The following BDH1 variants were observed in gnomAD, a reference collection of about 807,000 sequenced individuals.
BDH1 encodes D-beta-hydroxybutyrate dehydrogenase, mitochondrial.
In BDH1, 30 loss-of-function variants were observed where a neutral mutation model predicts 33.1. The observed-to-expected ratio is 0.91, with a 90% CI of 0.68 to 1.23. The LOEUF (loss-of-function observed/expected upper bound fraction) is 1.23. Among genes scored for constraint, BDH1 ranks in the 50% most tolerant of loss-of-function variants. BDH1 has a pLI of 0.00. For missense variants in BDH1, 443 were observed against 464.4 expected, an observed-to-expected ratio of 0.95 and a Z score of 0.42; for synonymous variants, 190 against 183.6, an observed-to-expected ratio of 1.03 and a Z score of -0.28.
chr3:197,522,533 G>T lies in BDH1; in HGVS notation c.409+107C>A. 1 of 1,436,056 alleles carries T rather than the reference G, an allele frequency of 7.0e-7. No homozygotes were observed. The highest frequency in any genetic ancestry group is 9.6e-7 in the Non-Finnish European group (1 of 1,041,850). 89.0% of individuals were successfully genotyped at this position (1,436,056 alleles called of 1,614,324 possible). On this transcript the variant is annotated intron_variant, in intron 6 of 7. Coordinates refer to ENST00000392379, the MANE Select transcript of BDH1 (RefSeq NM_203314.3). This position sits in a 1 kb window ranked among gnomAD's most constrained non-coding sequence, Gnocchi z 4.8. ...GCAGGAGGAAGAGCCTAAACAATAA[G>T]GAAGGGAGTGTGGTGGCAGGATGCC...
rs1306063860 is a variant in BDH1 at position 197,510,375 on chromosome 3, CG to C, written c.*1519del. The stretch of plus-strand genomic sequence containing the variant: ...GGAAACGCGGAGTCTGATTCGAAGG[CG>C]GGCACTGGGGACCCTGCCCCGGGCC... On this transcript the variant is annotated 3_prime_UTR_variant, in exon 8 of 8. Transcript: ENST00000392379. 6.6e-6 allele frequency: 1 copy of C among 152,170 alleles called. No homozygotes were observed. The highest frequency in any genetic ancestry group is 1.5e-5 in the Non-Finnish European group (1 of 68,086). The allele number at this position is 152,170 out of a possible 1,614,324, so 9.4% of individuals were successfully genotyped here.
At position 197,512,568 on chromosome 3, in the gene BDH1, G is replaced by A. The variant is rs547609338; in HGVS notation, c.563-204C>T. On this transcript the variant is annotated intron_variant, in intron 7 of 7. Coordinates refer to ENST00000392379, the MANE Select transcript of BDH1 (RefSeq NM_203314.3). ...CCTGGGAACCTGGCTGTGCCAGGCA[G>A]GACAGGGGAGGACAAGTGAGTGAGA... Among the ~76,000 whole-genome samples the A allele has an allele frequency of 5.8e-4, 88 of 152,350 alleles. 1 individual carries two copies. Among genetic ancestry groups the A allele is most frequent in the African/African-American group, 1.9e-3 (79 of 41,584 alleles).
At chr3:197,531,418 A>AAAT (rs1491403816) in intron 5 of BDH1, among the ~76,000 whole-genome samples, 2 of 137,260 alleles carry the variant, frequency 1.5e-5, no homozygotes, top group African/African-American at 5.6e-5. Context: ...TTAAAAAAAA[A>AAAT]ATATATATAT....
At chr3:197,518,894 C>T (rs1713188507) in intron 6 of BDH1, among the ~76,000 whole-genome samples, 1 of 91,684 alleles carries the variant, frequency 1.1e-5, no homozygotes, top group Non-Finnish European at 2.3e-5. Context: ...CTCCATCCCC[C>T]CTCAGGCTGA....
At chr3:197,569,835 A>G (rs955949823) in intron 1 of BDH1, among the ~76,000 whole-genome samples, 1 of 152,220 alleles carries the variant, frequency 6.6e-6, no homozygotes, top group African/African-American at 2.4e-5. Flanking sequence ...AAACAGACTA[A>G]TACAGTAAAT....
At chr3:197,559,089 G>A (rs528354417), upstream of BDH1, among the ~76,000 whole-genome samples, 6 of 148,458 alleles carry the variant, frequency 4.0e-5, no homozygotes, top group East Asian at 6.0e-4. Context: ...TGCAACCTCC[G>A]CCTCCAGGGT....
intron 2 of BDH1, among the ~76,000 whole-genome samples, chr3:197,551,066 A>T (rs1275495363): frequency 6.6e-6 from 1 of 152,238 alleles, no homozygotes; most frequent in Non-Finnish European, 1.5e-5. Flanking sequence ...TGTTACAAAC[A>T]ATCCAATTAT....
At chr3:197,559,104 G>A (rs546889139), upstream of BDH1, among the ~76,000 whole-genome samples, 24 of 151,308 alleles carry the variant, frequency 1.6e-4, no homozygotes, top group African/African-American at 5.6e-4. Context: ...CAGGGTTCAA[G>A]CGATTCTCCT....
At chr3:197,538,567 GT>G (rs1715345158) in intron 3 of BDH1, 1 of 336,624 alleles carries the variant, frequency 3.0e-6, no homozygotes, top group East Asian at 7.8e-5. Context: ...GGCCACACTG[GT>G]CTCGAACTCC....
upstream of BDH1, among the ~76,000 whole-genome samples, chr3:197,560,558 G>C (rs546780263): frequency 6.6e-6 from 1 of 152,210 alleles, no homozygotes; most frequent in Non-Finnish European, 1.5e-5. Flanking sequence ...AAATGACCCC[G>C]TCTGCTTTGT....
rs569459177 is a variant in BDH1, at chr3:197,542,785, G to A, written c.83+3576C>T. On this transcript the variant is annotated intron_variant, in intron 3 of 7. Transcript: ENST00000392379. ...GATCCGCCCGCCTCAGCCTCCCAAA[G>A]TGCTGGGATTACACGTGTGAGCCAC... 3.3e-5 allele frequency among the ~76,000 whole-genome samples: 5 copies of A among 152,180 alleles called. No individual in the cohort carries two copies. In the East Asian group the frequency reaches 9.7e-4, roughly 29 times the overall value.
Position 197,523,761 on chromosome 3 carries a change from A to G in BDH1, c.268-980T>C, listed in dbSNP as rs1713804407. 6.6e-6 allele frequency among the ~76,000 whole-genome samples: 1 copy of G among 152,060 alleles called. No individual in the cohort carries two copies. The highest frequency in any genetic ancestry group is 2.1e-4 in the South Asian group (1 of 4,814). On this transcript the variant is annotated intron_variant, in intron 5 of 7. Coordinates refer to ENST00000392379, the MANE Select transcript of BDH1 (RefSeq NM_203314.3). This position sits in a 1 kb window ranked among gnomAD's most constrained non-coding sequence, Gnocchi z 4.5. ...GGGAGGTGGGAGGGGCACAGGAGGGACGGGCAGGGGAGACCTTCCAAAGGC... is the reference window on the plus strand; with the variant it reads ...GGGAGGTGGGAGGGGCACAGGAGGGGCGGGCAGGGGAGACCTTCCAAAGGC...
At chr3:197,538,041 C>A (rs1433050337) in intron 3 of BDH1, among the ~76,000 whole-genome samples, 1 of 152,158 alleles carries the variant, frequency 6.6e-6, no homozygotes, top group Non-Finnish European at 1.5e-5. Flanking sequence ...TCCTGAGGTC[C>A]TTAGCTGGTC....
intron 2 of BDH1, among the ~76,000 whole-genome samples, chr3:197,550,862 C>T (rs1051282628): frequency 3.3e-5 from 5 of 152,206 alleles, no homozygotes; most frequent in South Asian, 2.1e-4. Context: ...GCAGGCTGGA[C>T]GTTTCTGCCA....
chr3:197,545,441 G>A (rs927374083), intron 3 of BDH1, among the ~76,000 whole-genome samples: 1 of 152,240 alleles, frequency 6.6e-6, no homozygotes, highest in Middle Eastern at 3.2e-3. Flanking sequence ...GAAAAGCACC[G>A]CTTCACTGCC....
chr3:197,551,072 A>G (rs987374238), intron 2 of BDH1, among the ~76,000 whole-genome samples: 2 of 152,148 alleles, frequency 1.3e-5, no homozygotes, highest in Non-Finnish European at 2.9e-5. Context: ...AAACAATCCA[A>G]TTATACTCTT....
intron 1 of BDH1, among the ~76,000 whole-genome samples, chr3:197,569,581 G>A (rs745590580): frequency 5.9e-5 from 9 of 152,098 alleles, no homozygotes; most frequent in Admixed American, 2.6e-4. Context: ...TACTTTTCTC[G>A]TGGTAGTGAA....
intron 3 of BDH1, among the ~76,000 whole-genome samples, chr3:197,542,202 G>GA (rs987656442): frequency 9.2e-5 from 14 of 152,152 alleles, no homozygotes; most frequent in Non-Finnish European, 1.9e-4. Context: ...TAACACAGCA[G>GA]AAAAAAACAA....
chr3:197,514,424 G>A lies in BDH1; in HGVS notation c.410-8C>T. ...TAACGAGGCCCCACATGCCTGGACA[G>A]GAGAGGGATAGATGTGCATTTACCA... On this transcript the variant is annotated splice_region_variant and splice_polypyrimidine_tract_variant and intron_variant, in intron 6 of 7. Coordinates refer to ENST00000392379, the MANE Select transcript of BDH1 (RefSeq NM_203314.3). This position sits in a 1 kb window ranked among gnomAD's most constrained non-coding sequence, Gnocchi z 4.2. The A allele has an allele frequency of 6.3e-7, 1 of 1,595,876 alleles. No homozygotes were observed. The highest frequency in any genetic ancestry group is 1.1e-5 in the South Asian group (1 of 87,882).
Sources: allele counts gnomAD v4.1 joint callset (sites outside exome capture counted in the v4.1 genomes callset), GRCh38; gene constraint gnomAD v4.1.1; non-coding constraint Gnocchi (gnomAD v3.1); transcripts MANE v1.5; gene names NCBI Gene and HGNC (gene_info 2026-07-23, HGNC 2026-07-21).